LETM2: variants seen among roughly 807,000 people sequenced by gnomAD.
The protein encoded by LETM2 is LETM1 domain-containing protein LETM2, mitochondrial.
Under a neutral mutation model 59.6 loss-of-function variants are expected in LETM2, and 58 were observed. The observed-to-expected ratio is 0.97, with a 90% CI of 0.79 to 1.21. The LOEUF is 1.21. LETM2 is among the 50% of genes most tolerant of loss of function. The pLI is 0.00. For synonymous variants in LETM2, 199 were observed against 214.1 expected, an observed-to-expected ratio of 0.93 and a Z score of 0.62; for missense variants, 572 against 575.7, an observed-to-expected ratio of 0.99 and a Z score of 0.07.
At chr8:38,408,189 C>T in intron 10 of LETM2, 23 bp from the exon 11 acceptor site, 1 of 1,603,684 alleles carries the variant, frequency 6.2e-7, no homozygotes, top group Non-Finnish European at 8.5e-7. Flanking sequence ...CTAATGCCTA[C>T]AGTCCTTGTT....
intron 6 of LETM2, among the ~76,000 whole-genome samples, chr8:38,402,148 C>T (rs1408116392): frequency 6.6e-6 from 1 of 152,148 alleles, no homozygotes; most frequent in East Asian, 1.9e-4. Context: ...GAGAACACTA[C>T]AGGGACATGC....
intron 9 of LETM2, 69 bp from the exon 10 acceptor site, chr8:38,407,293 T>C: frequency 8.5e-7 from 1 of 1,170,806 alleles, no homozygotes; most frequent in Non-Finnish European, 1.3e-6. Flanking sequence ...GTAGTCAAGG[T>C]AGTGGACTGT....
rs769134544 is a variant in LETM2, at chr8:38,407,452, T to C, written c.1402T>C (p.Ser468Pro). 7 of 1,595,338 alleles carry C rather than the reference T, an allele frequency of 4.4e-6. No homozygotes were observed. The South Asian group carries it at 5.5e-5, about 13-fold the overall frequency. Residue 468 changes from serine (S) to proline (P), a missense_variant, in exon 10 of 11, where the codon TCT becomes CCT. Physicochemically the swap from Ser to Pro is moderately conservative, Grantham distance 74. Coordinates refer to ENST00000379957, the MANE Select transcript of LETM2 (RefSeq NM_001286819.2). ...ATTACCTAAAGGACCCATCACTTCT[T>C]CTGAAGAACCTGTAAGTATCTTTAA... is the stretch of plus-strand genomic sequence containing the variant. ...ISLPKGPITS[S>P]EEPTLQAKSQ...
chr8:38,407,310 A>G (rs374138610), intron 9 of LETM2, 52 bp from the exon 10 acceptor site: 9 of 1,293,476 alleles, frequency 7.0e-6, no homozygotes, highest in Non-Finnish European at 1.0e-5. Flanking sequence ...CTGTAGATTA[A>G]TACACATTTT....
intron 4 of LETM2, among the ~76,000 whole-genome samples, chr8:38,399,452 C>A (rs1205141224): frequency 1.3e-5 from 2 of 152,096 alleles, no homozygotes; most frequent in African/African-American, 4.8e-5. Flanking sequence ...GCTCAACTGG[C>A]AGACTGGATA....
At chr8:38,392,115 C>T (rs1322911013) in intron 2 of LETM2, among the ~76,000 whole-genome samples, 1 of 152,218 alleles carries the variant, frequency 6.6e-6, no homozygotes, top group East Asian at 1.9e-4. Context: ...CAGTGACCAT[C>T]AAATGTTTCT....
At chr8:38,391,199 C>CAAAAAAAAA (rs1292763551) in intron 2 of LETM2, among the ~76,000 whole-genome samples, 1 of 99,272 alleles carries the variant, frequency 1.0e-5, no homozygotes, top group African/African-American at 4.0e-5. Context: ...AAAAAAAAAA[C>CAAAAAAAAA]AAAAAAAAAA....
At chr8:38,389,073 G>A (rs1296815775) in intron 2 of LETM2, among the ~76,000 whole-genome samples, 1 of 151,422 alleles carries the variant, frequency 6.6e-6, no homozygotes, top group Admixed American at 6.6e-5. Flanking sequence ...GCCAGAAGAT[G>A]TACTGGTTTT....
At chr8:38,389,371 C>T (rs1812030638) in intron 2 of LETM2, among the ~76,000 whole-genome samples, 11 of 151,948 alleles carry the variant, frequency 7.2e-5, no homozygotes, top group Admixed American at 6.6e-4. Context: ...CATGGGCCAC[C>T]ATGCCCAGCT....
Position 38,407,413 on chromosome 8 carries a change from T to C in LETM2, c.1363T>C (p.Ser455Pro). 2 of 1,613,480 alleles carry C rather than the reference T, an allele frequency of 1.2e-6. No homozygotes were observed. Among genetic ancestry groups the C allele is most frequent in the Non-Finnish European group, 1.7e-6 (2 of 1,179,530 alleles). ...AGTTACATCATCACCCATAACACCA[T>C]CAACACCTATTTCATTACCTAAAGG... is the stretch of plus-strand genomic sequence containing the variant. ...PPVTSSPITP[S>P]TPISLPKGPI... The change falls in exon 10 of 11, where the codon TCA (serine) becomes CCA (proline). Residue 455 changes from serine (S) to proline (P), a missense_variant. By Grantham distance (74) the Ser-to-Pro change is moderately conservative. Coordinates refer to ENST00000379957, the MANE Select transcript of LETM2 (RefSeq NM_001286819.2).
intron 2 of LETM2, among the ~76,000 whole-genome samples, chr8:38,388,819 A>G (rs1444893769): frequency 6.6e-6 from 1 of 151,446 alleles, no homozygotes. Flanking sequence ...GCTGGAGTGC[A>G]GTGGCATGAT....
chr8:38,407,307 TTAA>T, intron 9 of LETM2, 52 bp from the exon 10 acceptor site: 1 of 1,279,502 alleles, frequency 7.8e-7, no homozygotes, highest in Non-Finnish European at 1.1e-6. Context: ...GGACTGTAGA[TTAA>T]TACACATTTT....
chr8:38,397,118 C>A (rs975722019), intron 4 of LETM2: 4 of 455,906 alleles, frequency 8.8e-6, no homozygotes, highest in Non-Finnish European at 1.8e-5. Flanking sequence ...TACTAGACAG[C>A]GTTGACAGCA....
upstream of LETM2, among the ~76,000 whole-genome samples, chr8:38,383,624 C>T (rs1811663700): frequency 6.6e-6 from 1 of 151,716 alleles, no homozygotes; most frequent in Non-Finnish European, 1.5e-5. Context: ...CCGGTTAATA[C>T]TAGATACTGA....
At chr8:38,406,005 AAT>A (rs1193336464) in intron 8 of LETM2, among the ~76,000 whole-genome samples, 1 of 152,216 alleles carries the variant, frequency 6.6e-6, no homozygotes, top group Non-Finnish European at 1.5e-5. Context: ...TTCTGTGAAG[AAT>A]AGAGACATCA....
At chr8:38,391,212 C>CAAAAAAAAAAAAAA (rs1381418029) in intron 2 of LETM2, among the ~76,000 whole-genome samples, 2 of 120,118 alleles carry the variant, frequency 1.7e-5, no homozygotes, top group Non-Finnish European at 3.6e-5. Flanking sequence ...AAAAAAAAAC[C>CAAAAAAAAAAAAAA]AAAAAACTGA....
chr8:38,400,911 A>C lies in LETM2; in HGVS notation c.842A>C (p.Glu281Ala), dbSNP rs1183313553. 6 of 1,614,230 alleles carry C rather than the reference A, an allele frequency of 3.7e-6. No individual in the cohort carries two copies. The highest frequency in any genetic ancestry group is 4.2e-6 in the Non-Finnish European group (5 of 1,180,046). ...KEIVRFSKLF[E>A]DQLALEHLDR... Reference sequence around the variant, plus strand: ...ATAGTTCGCTTCTCCAAACTATTTGAGGACCAGCTGGCCCTGGAACACTTA... The same window carrying C: ...ATAGTTCGCTTCTCCAAACTATTTGCGGACCAGCTGGCCCTGGAACACTTA... The change falls in exon 6 of 11, where the codon GAG becomes GCG. Residue 281 changes from glutamate (E) to alanine (A), a missense_variant. By Grantham distance (107) the Glu-to-Ala change is moderately radical. Transcript: ENST00000379957.
chr8:38,393,725 A>G (rs1296186070), intron 3 of LETM2: 1 of 174,458 alleles, frequency 5.7e-6, no homozygotes, highest in Non-Finnish European at 1.2e-5. Flanking sequence ...AGTCTAGGAG[A>G]TGCCAATAAT....
intron 8 of LETM2, among the ~76,000 whole-genome samples, chr8:38,405,055 G>A (rs1813606505): frequency 6.6e-6 from 1 of 152,232 alleles, no homozygotes; most frequent in South Asian, 2.1e-4. Context: ...AGCCCAGCTT[G>A]ATTGAGAATT....
Sources: allele counts gnomAD v4.1 joint callset (sites outside exome capture counted in the v4.1 genomes callset), GRCh38; gene constraint gnomAD v4.1.1; transcripts MANE v1.5; gene names NCBI Gene and HGNC (gene_info 2026-07-23, HGNC 2026-07-21).